Variants in WDR72 observed in about 807,000 individuals in gnomAD.
The protein encoded by WDR72 is WD repeat-containing protein 72.
In WDR72, 120 loss-of-function variants were observed where a neutral mutation model predicts 124.2. The ratio of observed to expected loss-of-function variants is 0.97; its 90% CI spans 0.83 to 1.12. The LOEUF is 1.12. Ranked by LOEUF, WDR72 falls within the 50% of genes most tolerant of loss-of-function variation. WDR72 has a pLI of 0.00. For missense variants in WDR72, 1,387 were observed against 1,278.8 expected, an observed-to-expected ratio of 1.08 and a Z score of -1.29; for synonymous variants, 452 against 441.7, an observed-to-expected ratio of 1.02 and a Z score of -0.29.
chr15:53,707,433 T>A (rs1181921925), intron 9 of WDR72, among the ~76,000 whole-genome samples: 1 of 133,194 alleles, frequency 7.5e-6, no homozygotes, highest in African/African-American at 2.9e-5. Flanking sequence ...ATGGTTCCAA[T>A]AAAGTCAGTT....
rs771876577 is a variant in WDR72, at chr15:53,714,453, G to A, written c.572C>T (p.Ser191Leu). The A allele has an allele frequency of 1.2e-6, 2 of 1,613,828 alleles. No homozygotes were observed. Among genetic ancestry groups the A allele is most frequent in the Admixed American group, 3.3e-5 (2 of 59,994 alleles). The change falls in exon 6 of 20, where the codon TCA becomes TTA. Residue 191 changes from serine to leucine, a missense_variant. Ser to Leu is a moderately radical substitution (Grantham distance 145, BLOSUM62 -2). Coordinates refer to ENST00000360509, the MANE Select transcript of WDR72 (RefSeq NM_182758.4). ...GCCAACCTGAATGCTGTTGATAGAT[G>A]AGGAAAGATCCCATACTTTGAGCTC... ...AGELKVWDLS[S>L]SINSIQEKQD...
At chr15:53,651,796 G>C (rs1448719728) in intron 14 of WDR72, among the ~76,000 whole-genome samples, 1 of 152,008 alleles carries the variant, frequency 6.6e-6, no homozygotes, top group Admixed American at 6.6e-5. Flanking sequence ...GGGACTAAAG[G>C]TGCGCGACAC....
At chr15:53,579,526 C>T (rs2011801525) in intron 18 of WDR72, among the ~76,000 whole-genome samples, 1 of 151,942 alleles carries the variant, frequency 6.6e-6, no homozygotes, top group African/African-American at 2.4e-5. Flanking sequence ...ATAAGAACCA[C>T]CAGAGGGAAT....
At chr15:53,623,339 G>T (rs1223682231) in intron 14 of WDR72, among the ~76,000 whole-genome samples, 1 of 151,856 alleles carries the variant, frequency 6.6e-6, no homozygotes, top group African/African-American at 2.4e-5. Context: ...TCATTGTTTA[G>T]CTTCCATTGA....
At chr15:53,596,696 G>T (rs2012790786) in intron 18 of WDR72, among the ~76,000 whole-genome samples, 1 of 152,088 alleles carries the variant, frequency 6.6e-6, no homozygotes, top group Non-Finnish European at 1.5e-5. Context: ...AAATATTTAT[G>T]ATTATAATAG....
intron 13 of WDR72, among the ~76,000 whole-genome samples, chr15:53,697,798 T>C (rs1161572435): frequency 2.0e-5 from 3 of 152,136 alleles, no homozygotes; most frequent in Middle Eastern, 3.2e-3. Context: ...AAAATATTAA[T>C]AGCACTTATT....
At chr15:53,714,269 C>G (rs1218445627) in intron 6 of WDR72, among the ~76,000 whole-genome samples, 165 bp downstream of exon 6, 1 of 151,824 alleles carries the variant, frequency 6.6e-6, no homozygotes, top group African/African-American at 2.4e-5. Context: ...TGTACCAAGG[C>G]TCACCCCTGG....
At chr15:53,655,636 T>C (rs1167675900) in intron 14 of WDR72, among the ~76,000 whole-genome samples, 1 of 151,778 alleles carries the variant, frequency 6.6e-6, no homozygotes, top group Non-Finnish European at 1.5e-5. Flanking sequence ...ACGTTTTATA[T>C]AACGACAAGA....
intron 14 of WDR72, among the ~76,000 whole-genome samples, chr15:53,654,826 T>C (rs2015360594): frequency 6.6e-6 from 1 of 152,232 alleles, no homozygotes; most frequent in Non-Finnish European, 1.5e-5. Flanking sequence ...TCTATCTTAC[T>C]AATTCCATCC....
At chr15:53,760,466 CAT>C (rs2019041117), upstream of WDR72, among the ~76,000 whole-genome samples, 2 of 152,146 alleles carry the variant, frequency 1.3e-5, no homozygotes, top group Non-Finnish European at 2.9e-5. Flanking sequence ...TTTCACTTAA[CAT>C]AATGATCTCC....
intron 13 of WDR72, among the ~76,000 whole-genome samples, chr15:53,695,156 C>A (rs565355311): frequency 6.6e-6 from 1 of 152,250 alleles, no homozygotes; most frequent in Non-Finnish European, 1.5e-5. Context: ...TTGTCCCACA[C>A]AAAAAAGTGC....
chr15:53,706,119 G>C (rs2017347474), intron 9 of WDR72, 45 bp from the exon 10 acceptor site: 1 of 1,597,162 alleles, frequency 6.3e-7, no homozygotes, highest in Admixed American at 1.7e-5. Context: ...TCTAACTAGA[G>C]AGAGATGGCC....
intron 14 of WDR72, among the ~76,000 whole-genome samples, chr15:53,622,283 C>A (rs1307527887): frequency 1.3e-5 from 2 of 152,018 alleles, no homozygotes; most frequent in African/African-American, 2.4e-5. Context: ...GGGTATATAC[C>A]CATAGGAATA....
At chr15:53,736,854 A>T (rs140338332) in intron 1 of WDR72, among the ~76,000 whole-genome samples, 106 of 152,272 alleles carry the variant, frequency 7.0e-4, no homozygotes, top group African/African-American at 2.5e-3. Context: ...GCAAATAATT[A>T]GTATATTGCT....
chr15:53,694,287 A>T (rs1216091426), intron 13 of WDR72, among the ~76,000 whole-genome samples: 1 of 152,140 alleles, frequency 6.6e-6, no homozygotes, highest in African/African-American at 2.4e-5. Flanking sequence ...TCTTCCTATG[A>T]GCACAAGAAA....
intron 18 of WDR72, among the ~76,000 whole-genome samples, chr15:53,527,811 T>C (rs1034457558): frequency 1.2e-4 from 19 of 152,124 alleles, no homozygotes; most frequent in African/African-American, 4.3e-4. Context: ...GACTAAAAGA[T>C]AGCTCAGGCC....
At chr15:53,600,998 A>T (rs1177898362) in intron 17 of WDR72, among the ~76,000 whole-genome samples, 4 of 152,152 alleles carry the variant, frequency 2.6e-5, no homozygotes, top group African/African-American at 9.6e-5. Context: ...TTCTTCCCCC[A>T]ACCTTAAAGG....
intron 18 of WDR72, among the ~76,000 whole-genome samples, chr15:53,577,588 A>G (rs767428491): frequency 1.5e-4 from 23 of 152,160 alleles, no homozygotes; most frequent in Non-Finnish European, 2.2e-4. Context: ...AAAGCAGTGT[A>G]ATAAATTCCA....
chr15:53,577,654 C>T (rs1188287507), intron 18 of WDR72, among the ~76,000 whole-genome samples: 1 of 152,012 alleles, frequency 6.6e-6, no homozygotes, highest in Non-Finnish European at 1.5e-5. Context: ...ATATATGATG[C>T]CTTAATGGGA....
Sources: gnomAD v4.1 joint callset for allele counts (sites outside exome capture counted in the v4.1 genomes callset) on GRCh38, gnomAD v4.1.1 for gene constraint, MANE v1.5 for transcripts, NCBI Gene and HGNC (gene_info 2026-07-23, HGNC 2026-07-21) for gene names.